Variants in TMEM266 observed in about 807,000 individuals in gnomAD.
The protein encoded by TMEM266 is Hv1 related protein 1.
Under a neutral mutation model 50.5 loss-of-function variants are expected in TMEM266, and 33 were observed. That is an observed-to-expected ratio of 0.65 (90% confidence interval 0.50 to 0.87). The LOEUF (loss-of-function observed/expected upper bound fraction) is 0.87, where lower values mean the gene tolerates loss of function less well. Among genes scored for constraint, TMEM266 ranks in the 40% least tolerant of loss-of-function variants. TMEM266 has a pLI of 0.00. For synonymous variants in TMEM266, 310 were observed against 292.3 expected (o/e 1.06, Z -0.62); for missense variants, 655 against 695.1 (o/e 0.94, Z 0.65).
At chr15:76,107,470 A>T (rs1265100102) in intron 1 of TMEM266, among the ~76,000 whole-genome samples, 1 of 152,208 alleles carries the variant, frequency 6.6e-6, no homozygotes, top group Non-Finnish European at 1.5e-5. Flanking sequence ...TAGCACCATT[A>T]TGAAAGAAAC....
intron 4 of TMEM266, among the ~76,000 whole-genome samples, chr15:76,157,313 A>G (rs2037942730): frequency 6.6e-6 from 1 of 152,228 alleles, no homozygotes; most frequent in South Asian, 2.1e-4. Flanking sequence ...CGAGATGGAT[A>G]TGATCCCATA....
intron 1 of TMEM266, among the ~76,000 whole-genome samples, chr15:76,099,201 G>A (rs961023849): frequency 3.3e-5 from 5 of 152,216 alleles, no homozygotes; most frequent in South Asian, 2.1e-4. Flanking sequence ...CGAAACCCAG[G>A]GCCCTGCTGG....
chr15:76,102,969 T>C (rs75134557), intron 1 of TMEM266, among the ~76,000 whole-genome samples: 6,193 of 151,796 alleles, frequency 0.041, 178 homozygotes, highest in East Asian at 0.099. Context: ...CATCATGCAC[T>C]GGCCAGGATA....
At chr15:76,149,493 A>G (rs2037805951) in intron 3 of TMEM266, among the ~76,000 whole-genome samples, 1 of 152,228 alleles carries the variant, frequency 6.6e-6, no homozygotes, top group South Asian at 2.1e-4. Context: ...CCTTCTAATG[A>G]CCGTGTATCT....
rs924394468 is a variant in TMEM266, at chr15:76,139,770, A to AAGAGT, written c.227+1878_227+1882dup. Reference sequence around the variant, plus strand: ...GAGCCTGTTAGGCCCTTTTCACGTGAAGAGTAGCATGGTATGGAGAAAAGT... The same window carrying AAGAGT: ...GAGCCTGTTAGGCCCTTTTCACGTGAAGAGTAGAGTAGCATGGTATGGAGAAAAGT... On this transcript the variant is annotated intron_variant, in intron 3 of 10. Transcript: ENST00000388942. This position sits in a 1 kb window ranked among gnomAD's most constrained non-coding sequence, Gnocchi z 4.1. Among the ~76,000 whole-genome samples, 8 of 152,126 alleles carry AAGAGT rather than the reference A, an allele frequency of 5.3e-5. No homozygotes were observed. The highest frequency in any genetic ancestry group is 5.2e-4 in the Admixed American group (8 of 15,278).
chr15:76,083,161 T>A (rs998394005), intron 1 of TMEM266, among the ~76,000 whole-genome samples: 22 of 151,128 alleles, frequency 1.5e-4, no homozygotes, highest in Non-Finnish European at 2.7e-4. Context: ...AGGACAAACA[T>A]CCAAACTAGA....
At chr15:76,201,701 A>G (rs1199456937) in intron 9 of TMEM266, among the ~76,000 whole-genome samples, 3 of 152,062 alleles carry the variant, frequency 2.0e-5, no homozygotes. Flanking sequence ...CTGTTCCTAT[A>G]CTGCATGGAA....
chr15:76,125,347 C>T (rs561204988), intron 1 of TMEM266, among the ~76,000 whole-genome samples: 101 of 152,042 alleles, frequency 6.6e-4, no homozygotes, highest in African/African-American at 2.3e-3. Context: ...GAAAAGGCAA[C>T]CTACTGAATG....
intron 1 of TMEM266, among the ~76,000 whole-genome samples, chr15:76,128,569 A>G (rs1253916433): frequency 6.6e-6 from 1 of 152,176 alleles, no homozygotes; most frequent in Non-Finnish European, 1.5e-5. Flanking sequence ...TCATTTTTAG[A>G]GTGCTAGACT....
intron 3 of TMEM266, among the ~76,000 whole-genome samples, chr15:76,148,855 C>T (rs956714429): frequency 7.2e-5 from 11 of 152,206 alleles, no homozygotes; most frequent in Non-Finnish European, 1.5e-4. Flanking sequence ...GCACACAACC[C>T]TCCTCCCTCT....
intron 3 of TMEM266, among the ~76,000 whole-genome samples, chr15:76,140,822 T>C (rs1454608700): frequency 6.8e-6 from 1 of 147,960 alleles, no homozygotes; most frequent in Non-Finnish European, 1.5e-5. Context: ...ATCACTTGAG[T>C]CCAGGAGTTC....
intron 9 of TMEM266, among the ~76,000 whole-genome samples, chr15:76,199,423 C>T (rs968356814): frequency 6.6e-6 from 1 of 152,234 alleles, no homozygotes; most frequent in Non-Finnish European, 1.5e-5. Flanking sequence ...CAGGCTGACC[C>T]TCTGGGCTGA....
At chr15:76,194,834 C>T (rs1299264627) in intron 9 of TMEM266, among the ~76,000 whole-genome samples, 1 of 152,174 alleles carries the variant, frequency 6.6e-6, no homozygotes, top group Non-Finnish European at 1.5e-5. Flanking sequence ...ATGACATCTG[C>T]AACCGCTTTC....
At chr15:76,102,914 G>A (rs2037024583) in intron 1 of TMEM266, among the ~76,000 whole-genome samples, 2 of 151,684 alleles carry the variant, frequency 1.3e-5, no homozygotes, top group African/African-American at 4.8e-5. Context: ...GGGAGAAGCT[G>A]GCGAGGCAGC....
intron 1 of TMEM266, among the ~76,000 whole-genome samples, chr15:76,089,514 T>A (rs1408325623): frequency 2.0e-5 from 3 of 151,990 alleles, no homozygotes; most frequent in Non-Finnish European, 4.4e-5. Flanking sequence ...TATAGCTGAA[T>A]TGTAGAATTC....
rs541087629 is a variant in TMEM266, at chr15:76,129,242, G to T, written c.-96-4926G>T. 2.0e-5 allele frequency among the ~76,000 whole-genome samples: 3 copies of T among 152,216 alleles called. No homozygotes were observed. The South Asian group carries it at 6.2e-4, about 32-fold the overall frequency. On this transcript the variant is annotated intron_variant, in intron 1 of 10. Transcript: ENST00000388942. ...ATATGTGTCTCCTACTGAAGTTATGGCACCACCTATGAAATCTTGCAAAAA... is the reference window on the plus strand; with the variant it reads ...ATATGTGTCTCCTACTGAAGTTATGTCACCACCTATGAAATCTTGCAAAAA...
Position 76,085,329 on chromosome 15 carries a change from C to T in TMEM266, c.-97+25313C>T, listed in dbSNP as rs181157048. Among the ~76,000 whole-genome samples, 12 of 150,438 alleles carry T rather than the reference C, an allele frequency of 8.0e-5. 1 individual carries two copies. The highest frequency in any genetic ancestry group is 2.0e-4 in the Admixed American group (3 of 14,988). ...CTGTAGTGTAGTAGTGTGATCTTGG[C>T]TCACTGCAACCTCCACCTCCTGGGT... On this transcript the variant is annotated intron_variant, in intron 1 of 10. Coordinates refer to ENST00000388942, the MANE Select transcript of TMEM266 (RefSeq NM_152335.3).
chr15:76,123,064 C>G (rs1350705535), intron 1 of TMEM266, among the ~76,000 whole-genome samples: 1 of 152,104 alleles, frequency 6.6e-6, no homozygotes, highest in South Asian at 2.1e-4. Context: ...AAAGAGCAAA[C>G]AATAGAAAGT....
At chr15:76,070,333 A>G (rs2036519929) in intron 1 of TMEM266, among the ~76,000 whole-genome samples, 4 of 152,330 alleles carry the variant, frequency 2.6e-5, no homozygotes, top group Non-Finnish European at 5.9e-5. Context: ...TTCATATTGG[A>G]GAAGGGACTT....
Sources: allele counts gnomAD v4.1 joint callset (sites outside exome capture counted in the v4.1 genomes callset), GRCh38; gene constraint gnomAD v4.1.1; non-coding constraint Gnocchi (gnomAD v3.1); transcripts MANE v1.5; gene names NCBI Gene and HGNC (gene_info 2026-07-23, HGNC 2026-07-21).